FAM227B: variants seen among roughly 807,000 people sequenced by gnomAD.
FAM227B encodes protein FAM227B.
In FAM227B, 88 loss-of-function variants were observed where a neutral mutation model predicts 73.8. That is an observed-to-expected ratio of 1.19 (90% CI 1.00 to 1.42). The LOEUF (loss-of-function observed/expected upper bound fraction) is 1.42. Ranked by LOEUF, FAM227B falls within the 40% of genes most tolerant of loss-of-function variation. The pLI, the probability that FAM227B is intolerant of heterozygous loss-of-function variation, is 0.00. For missense variants in FAM227B, 632 were observed against 590.9 expected (o/e 1.07, Z -0.72); for synonymous variants, 210 against 190.5 (o/e 1.10, Z -0.84).
intron 12 of FAM227B, among the ~76,000 whole-genome samples, chr15:49,368,647 A>C (rs1386857405): frequency 1.3e-5 from 2 of 152,210 alleles, no homozygotes; most frequent in African/African-American, 4.8e-5. Context: ...CGTATAGCTC[A>C]ATCTTCAAAA....
rs559192259 is a variant in FAM227B, at chr15:49,502,304, T to C, written c.1012+5907A>G. ...CTGAATCTGAAAAAGCCACAGACAC[T>C]CAATAACCTGTGAGAGCAGCTGTGG... On this transcript the variant is annotated intron_variant, in intron 11 of 15. Transcript: ENST00000299338. Among the ~76,000 whole-genome samples the C allele has an allele frequency of 1.1e-4, 16 of 152,254 alleles. No homozygotes were observed. In the South Asian group the frequency reaches 1.5e-3, roughly 14 times the overall value.
Position 49,538,986 on chromosome 15 carries a change from C to A in FAM227B, c.874+2694G>T, listed in dbSNP as rs530651075. Among the ~76,000 whole-genome samples, 5 of 152,102 alleles carry A rather than the reference C, an allele frequency of 3.3e-5. No homozygotes were observed. In the East Asian group the frequency reaches 9.6e-4, roughly 29 times the overall value. On this transcript the variant is annotated intron_variant, in intron 10 of 15. Transcript: ENST00000299338. ...CTAGAAAATTATTGCATTCTGTTGG[C>A]GGTATCATGTTTGTTTTCCTTGTTT...
chr15:49,555,989 C>A (rs1355461228), intron 9 of FAM227B, among the ~76,000 whole-genome samples: 1 of 152,112 alleles, frequency 6.6e-6, no homozygotes, highest in Non-Finnish European at 1.5e-5. Context: ...TCAATGAATT[C>A]TTTTTAATCT....
intron 11 of FAM227B, among the ~76,000 whole-genome samples, chr15:49,503,987 T>G (rs1363952306): frequency 6.6e-6 from 1 of 152,008 alleles, no homozygotes; most frequent in Non-Finnish European, 1.5e-5. Flanking sequence ...GTATGTTTAT[T>G]GCGGCACTAT....
rs188088275 is a variant in FAM227B at position 49,618,510 on chromosome 15, G to A, written c.-73+2190C>T. 1.1e-4 allele frequency among the ~76,000 whole-genome samples: 16 copies of A among 152,310 alleles called. No individual in the cohort carries two copies. In the East Asian group the frequency reaches 2.1e-3, roughly 20 times the overall value. ...AAAAAGTTGTATTAAAAGTTAATGC[G>A]ATCTTAGTATACTATGTGCCTTGGG... On this transcript the variant is annotated intron_variant, in intron 1 of 15. Coordinates refer to ENST00000299338, the MANE Select transcript of FAM227B (RefSeq NM_152647.3).
intron 9 of FAM227B, among the ~76,000 whole-genome samples, chr15:49,550,446 C>T (rs368741560): frequency 0.11 from 16,098 of 151,320 alleles, 1,200 homozygotes; most frequent in East Asian, 0.36. Context: ...ACTTCCCAGA[C>T]GGGGTGACTG....
At chr15:49,382,978 A>C (rs1258013765) in intron 11 of FAM227B, among the ~76,000 whole-genome samples, 1 of 152,258 alleles carries the variant, frequency 6.6e-6, no homozygotes, top group East Asian at 1.9e-4. Flanking sequence ...TAGAAATGTA[A>C]ATCGGTTCAT....
chr15:49,391,138 T>G (rs1238009182), intron 11 of FAM227B, among the ~76,000 whole-genome samples: 1 of 152,086 alleles, frequency 6.6e-6, no homozygotes, highest in Non-Finnish European at 1.5e-5. Context: ...AATTAAGACA[T>G]GAGGAGATAG....
intron 11 of FAM227B, among the ~76,000 whole-genome samples, chr15:49,438,637 GTATCATA>G (rs991557182): frequency 1.1e-4 from 17 of 151,762 alleles, no homozygotes; most frequent in Middle Eastern, 3.4e-3. Flanking sequence ...AAATAATACT[GTATCATA>G]TATTATGGAA....
chr15:49,428,730 A>T (rs1470233740), intron 11 of FAM227B, among the ~76,000 whole-genome samples: 1 of 152,004 alleles, frequency 6.6e-6, no homozygotes, highest in African/African-American at 2.4e-5. Flanking sequence ...TCTTCCCAAT[A>T]ATAGTCAATA....
chr15:49,410,728 T>C (rs2048816026), intron 11 of FAM227B, among the ~76,000 whole-genome samples: 1 of 152,150 alleles, frequency 6.6e-6, no homozygotes. Context: ...TTAAAGTTAC[T>C]GGATAAAAGT....
chr15:49,557,037 T>C (rs1226529609), intron 9 of FAM227B, among the ~76,000 whole-genome samples: 1 of 152,086 alleles, frequency 6.6e-6, no homozygotes, highest in Non-Finnish European at 1.5e-5. Flanking sequence ...TTGTGCATGG[T>C]AGCCCCATGC....
At chr15:49,560,970 T>C (rs956085658) in intron 9 of FAM227B, among the ~76,000 whole-genome samples, 2 of 152,080 alleles carry the variant, frequency 1.3e-5, no homozygotes, top group Non-Finnish European at 2.9e-5. Flanking sequence ...AAGTACATAA[T>C]AGAAGATAGA....
chr15:49,424,283 G>C, intron 11 of FAM227B: 1 of 1,604,184 alleles, frequency 6.2e-7, no homozygotes, highest in South Asian at 1.1e-5. Flanking sequence ...TGAACACCCG[G>C]AGCACTACAC....
chr15:49,356,125 G>A lies in FAM227B; in HGVS notation c.1271+11323C>T, dbSNP rs1181968084. Among the ~76,000 whole-genome samples the A allele has an allele frequency of 1.2e-4, 18 of 152,158 alleles. No individual in the cohort carries two copies. In the South Asian group the frequency reaches 2.3e-3, roughly 19 times the overall value. On this transcript the variant is annotated intron_variant, in intron 13 of 15. Transcript: ENST00000299338. The stretch of plus-strand genomic sequence containing the variant: ...TGGAAAGGAACAACCGGTACCAGCC[G>A]CTGTAAAATCATGCCAAAATGTAAA...
At position 49,497,401 on chromosome 15, in the gene FAM227B, C is replaced by A. The variant is rs937365240; in HGVS notation, c.1012+10810G>T. 1.1e-3 allele frequency among the ~76,000 whole-genome samples: 164 copies of A among 152,198 alleles called. 1 individual carries two copies. The highest frequency in any genetic ancestry group is 3.9e-3 in the African/African-American group (160 of 41,542). On this transcript the variant is annotated intron_variant, in intron 11 of 15. Coordinates refer to ENST00000299338, the MANE Select transcript of FAM227B (RefSeq NM_152647.3). ...AAGCAACAAGCAGGATATGGAAGCT[C>A]TCAGATACCATGAGCCAAGCCCCTT...
intron 11 of FAM227B, among the ~76,000 whole-genome samples, chr15:49,410,155 T>A (rs1448018378): frequency 6.6e-6 from 1 of 152,186 alleles, no homozygotes; most frequent in Non-Finnish European, 1.5e-5. Flanking sequence ...GCATCCACTC[T>A]CCAGCCCTTT....
intron 11 of FAM227B, among the ~76,000 whole-genome samples, chr15:49,392,272 T>C (rs1006595916): frequency 1.3e-5 from 2 of 152,120 alleles, no homozygotes; most frequent in Non-Finnish European, 2.9e-5. Flanking sequence ...ATGGAGGGCT[T>C]GAATTAGTAC....
chr15:49,451,172 G>T (rs1428483320), intron 11 of FAM227B, among the ~76,000 whole-genome samples: 2 of 151,882 alleles, frequency 1.3e-5, no homozygotes, highest in Non-Finnish European at 2.9e-5. Flanking sequence ...TAAGAATATG[G>T]ATACTTACAT....
Sources: allele counts gnomAD v4.1 joint callset (sites outside exome capture counted in the v4.1 genomes callset), GRCh38; gene constraint gnomAD v4.1.1; transcripts MANE v1.5; gene names NCBI Gene and HGNC (gene_info 2026-07-23, HGNC 2026-07-21).